Variants in DENND1A observed in about 807,000 individuals in gnomAD.
DENND1A encodes DENN domain-containing protein 1A.
DENND1A carries 51 observed loss-of-function variants against 113.7 expected under a neutral mutation model. The ratio of observed to expected loss-of-function variants is 0.45; its 90% CI spans 0.36 to 0.57. The LOEUF is 0.57. Among genes scored for constraint, DENND1A ranks in the 20% least tolerant of loss-of-function variants. The pLI, the probability that DENND1A is intolerant of heterozygous loss-of-function variation, is 0.00. For synonymous variants in DENND1A, 565 were observed against 570.8 expected (o/e 0.99, Z 0.14); for missense variants, 1,258 against 1,395.9 (o/e 0.90, Z 1.57).
intron 13 of DENND1A, among the ~76,000 whole-genome samples, chr9:123,517,368 C>T (rs1431332503): frequency 6.6e-6 from 1 of 152,020 alleles, no homozygotes. Flanking sequence ...TGCCTGTAAT[C>T]CCAGCACTCG....
chr9:123,590,367 G>A (rs1651899662), intron 11 of DENND1A, among the ~76,000 whole-genome samples: 1 of 152,130 alleles, frequency 6.6e-6, no homozygotes, highest in African/African-American at 2.4e-5. Flanking sequence ...TGAATGAGAG[G>A]CAGCAGAGCC....
chr9:123,688,894 T>C (rs767774063), intron 5 of DENND1A, among the ~76,000 whole-genome samples: 4 of 151,160 alleles, frequency 2.6e-5, no homozygotes, highest in Non-Finnish European at 5.9e-5. Context: ...CCCTAATTTG[T>C]TGTTAAAAAA....
chr9:123,706,361 A>T (rs1366442049), intron 5 of DENND1A, among the ~76,000 whole-genome samples: 1 of 151,816 alleles, frequency 6.6e-6, no homozygotes, highest in Non-Finnish European at 1.5e-5. Flanking sequence ...TATGTTGGCC[A>T]GGCTGGTCTC....
intron 1 of DENND1A, among the ~76,000 whole-genome samples, chr9:123,911,172 C>T (rs1356554388): frequency 1.3e-5 from 2 of 152,064 alleles, no homozygotes; most frequent in Non-Finnish European, 2.9e-5. Context: ...TGAAAAGGTG[C>T]TTAACATGAG....
At chr9:123,648,540 T>C (rs1000371059) in intron 9 of DENND1A, among the ~76,000 whole-genome samples, 1 of 152,268 alleles carries the variant, frequency 6.6e-6, no homozygotes, top group Non-Finnish European at 1.5e-5. Context: ...GTCATAGTTC[T>C]GTACTTATTT....
At chr9:123,403,268 C>T (rs2043645045) in intron 21 of DENND1A, 134 bp downstream of exon 21, 2 of 807,294 alleles carry the variant, frequency 2.5e-6, no homozygotes. Context: ...CCCTGAATGA[C>T]CCCTTTGTGA....
chr9:123,647,949 G>C (rs979742371), intron 9 of DENND1A, among the ~76,000 whole-genome samples: 3 of 152,124 alleles, frequency 2.0e-5, no homozygotes, highest in Non-Finnish European at 4.4e-5. Flanking sequence ...GCTGAGTGAT[G>C]GGCATACGTA....
intron 13 of DENND1A, among the ~76,000 whole-genome samples, chr9:123,538,764 G>C (rs1201344646): frequency 7.1e-6 from 1 of 140,924 alleles, no homozygotes; most frequent in African/African-American, 2.6e-5. Context: ...GTGTGTGTGT[G>C]TGTGTGTGTG....
Position 123,557,706 on chromosome 9 carries a change from A to G in DENND1A, c.868-11T>C. On this transcript the variant is annotated splice_polypyrimidine_tract_variant and intron_variant, in intron 12 of 23. Coordinates refer to ENST00000394215, the MANE Select transcript of DENND1A (RefSeq NM_001352964.2). The stretch of plus-strand genomic sequence containing the variant: ...CTTCAGGGAAGAGATCTGGTGATGG[A>G]GAGAAGGAAAACACAGGTTGAGGAC... The G allele has an allele frequency of 6.2e-7, 1 of 1,613,332 alleles. No homozygotes were observed. Among genetic ancestry groups the G allele is most frequent in the Non-Finnish European group, 8.5e-7 (1 of 1,179,584 alleles).
intron 13 of DENND1A, among the ~76,000 whole-genome samples, chr9:123,540,444 G>A (rs10986042): frequency 0.11 from 16,009 of 152,182 alleles, 1,189 homozygotes; most frequent in African/African-American, 0.2. Flanking sequence ...AGAGGAGGTG[G>A]CAGCATTTTT....
At chr9:123,435,576 T>C (rs754041844) in intron 19 of DENND1A, among the ~76,000 whole-genome samples, 1 of 152,224 alleles carries the variant, frequency 6.6e-6, no homozygotes, top group Non-Finnish European at 1.5e-5. Context: ...ATCTATCAGA[T>C]TGGAAGGCAG....
chr9:123,544,145 C>T (rs1014468349), intron 13 of DENND1A, among the ~76,000 whole-genome samples: 2 of 152,068 alleles, frequency 1.3e-5, no homozygotes, highest in Non-Finnish European at 2.9e-5. Context: ...GAAAAACAAC[C>T]AACAAGAAAT....
chr9:123,902,749 T>C (rs1851889960), intron 1 of DENND1A, among the ~76,000 whole-genome samples: 2 of 143,316 alleles, frequency 1.4e-5, no homozygotes, highest in South Asian at 4.3e-4. Context: ...ACCACCTCTA[T>C]AAAACAGGAA....
intron 1 of DENND1A, chr9:123,928,804 C>T: frequency 4.1e-6 from 4 of 985,414 alleles, no homozygotes; most frequent in Middle Eastern, 5.2e-4. Flanking sequence ...TCAAACTTCC[C>T]TAGTACAATT....
At chr9:123,534,975 AGGACAAAAAGTT>A (rs777867720) in intron 13 of DENND1A, among the ~76,000 whole-genome samples, 3 of 152,140 alleles carry the variant, frequency 2.0e-5, no homozygotes, top group Non-Finnish European at 2.9e-5. Flanking sequence ...AAGATTCAAA[AGGACAAAAAGTT>A]GGAGGCAGAC....
intron 2 of DENND1A, among the ~76,000 whole-genome samples, chr9:123,853,537 G>T (rs574665209): frequency 6.6e-6 from 1 of 151,946 alleles, no homozygotes; most frequent in East Asian, 2.0e-4. Context: ...GGTGGCAGGC[G>T]CCTGTAATCC....
At chr9:123,693,143 T>C (rs2065281549) in intron 5 of DENND1A, among the ~76,000 whole-genome samples, 1 of 152,230 alleles carries the variant, frequency 6.6e-6, no homozygotes. Flanking sequence ...TGGATACAGC[T>C]ATGTAACCAC....
At position 123,382,178 on chromosome 9, in the gene DENND1A, T is replaced by C; in HGVS notation, c.2467A>G (p.Thr823Ala). Reference protein sequence around the residue: ...LLPGVVPQGPTELLQPLSPGP... With the variant: ...LLPGVVPQGPAELLQPLSPGP... ...GGGCTGAGCGGCTGGAGCAGTTCAG[T>C]GGGGCCTTGGGGGACAACACCAGGC... is the stretch of plus-strand genomic sequence containing the variant. The change falls in exon 24 of 24, where the codon ACT (threonine) becomes GCT (alanine). Residue 823 changes from threonine (T) to alanine (A), a missense_variant. Physicochemically the swap from Thr to Ala is moderately conservative, Grantham distance 58. Transcript: ENST00000394215. 1 of 1,608,572 alleles carries C rather than the reference T, an allele frequency of 6.2e-7. No individual in the cohort carries two copies. The highest frequency in any genetic ancestry group is 8.5e-7 in the Non-Finnish European group (1 of 1,179,128).
chr9:123,395,705 T>C (rs981419671), intron 21 of DENND1A, among the ~76,000 whole-genome samples: 15 of 152,224 alleles, frequency 9.9e-5, no homozygotes, highest in Admixed American at 9.1e-4. Context: ...TGAGCACAGT[T>C]CCTGGCTCTT....
Sources: gnomAD v4.1 joint callset for allele counts (sites outside exome capture counted in the v4.1 genomes callset) on GRCh38, gnomAD v4.1.1 for gene constraint, MANE v1.5 for transcripts, NCBI Gene and HGNC (gene_info 2026-07-23, HGNC 2026-07-21) for gene names.